TMCC1: variants seen among roughly 807,000 people sequenced by gnomAD.
TMCC1 encodes transmembrane and coiled-coil domains protein 1.
A neutral mutation model predicts 52.4 loss-of-function variants in TMCC1; 15 were observed. The ratio of observed to expected loss-of-function variants is 0.29; its 90% CI spans 0.19 to 0.44. The LOEUF (loss-of-function observed/expected upper bound fraction) is 0.44. TMCC1 is among the 20% of genes least tolerant of loss of function. The pLI is 1.00. For synonymous variants in TMCC1, 279 were observed against 301.9 expected (o/e 0.92, Z 0.79); for missense variants, 503 against 806.0 (o/e 0.62, Z 4.55).
At chr3:129,695,794 G>A (rs150342009) in intron 4 of TMCC1, among the ~76,000 whole-genome samples, 117 of 152,200 alleles carry the variant, frequency 7.7e-4, no homozygotes, top group African/African-American at 2.7e-3. Context: ...AACCAATCAT[G>A]CCTTTGAGGA....
chr3:129,700,566 T>G (rs965482830), intron 4 of TMCC1, among the ~76,000 whole-genome samples: 4 of 152,228 alleles, frequency 2.6e-5, no homozygotes, highest in African/African-American at 9.6e-5. Context: ...AACCTCTACC[T>G]CCTGGGTTCA....
intron 4 of TMCC1, among the ~76,000 whole-genome samples, chr3:129,720,181 C>CAAAAA (rs765678095): frequency 2.0e-4 from 12 of 58,702 alleles, no homozygotes; most frequent in South Asian, 5.9e-4. Flanking sequence ...GACCCTGTCT[C>CAAAAA]AAAAAAAAAA....
At chr3:129,718,095 T>G (rs1433623488) in intron 4 of TMCC1, among the ~76,000 whole-genome samples, 1 of 152,190 alleles carries the variant, frequency 6.6e-6, no homozygotes, top group Non-Finnish European at 1.5e-5. Context: ...AAATTAAGAT[T>G]CGTGAATGAA....
At chr3:129,734,758 C>T (rs1027949935) in intron 4 of TMCC1, among the ~76,000 whole-genome samples, 3 of 152,044 alleles carry the variant, frequency 2.0e-5, no homozygotes, top group Admixed American at 6.6e-5. Flanking sequence ...TCTGAAGAAG[C>T]GGAATGGATT....
At chr3:129,744,256 C>T (rs1295430016) in intron 4 of TMCC1, among the ~76,000 whole-genome samples, 1 of 152,132 alleles carries the variant, frequency 6.6e-6, no homozygotes, top group African/African-American at 2.4e-5. Flanking sequence ...GATTGGTTGT[C>T]GTAGTTTTTA....
At chr3:129,764,783 A>G (rs1385102809) in intron 4 of TMCC1, among the ~76,000 whole-genome samples, 3 of 75,604 alleles carry the variant, frequency 4.0e-5, no homozygotes, top group Non-Finnish European at 6.4e-5. Flanking sequence ...ATATATATAT[A>G]TATATATTTT....
chr3:129,811,003 T>A (rs1461269885), intron 4 of TMCC1, among the ~76,000 whole-genome samples: 1 of 152,240 alleles, frequency 6.6e-6, no homozygotes. Context: ...GTTATTTAAA[T>A]GTGCATTTGC....
intron 4 of TMCC1, among the ~76,000 whole-genome samples, chr3:129,800,876 A>T (rs545748879): frequency 6.6e-6 from 1 of 152,118 alleles, no homozygotes; most frequent in South Asian, 2.1e-4. Flanking sequence ...AAATAGTTAC[A>T]AGGTATTTCA....
chr3:129,694,237 T>A lies in TMCC1; in HGVS notation c.577-22973A>T, dbSNP rs151211274. Among the ~76,000 whole-genome samples, 11 of 152,354 alleles carry A rather than the reference T, an allele frequency of 7.2e-5. No individual in the cohort carries two copies. In the East Asian group the frequency reaches 2.1e-3, roughly 29 times the overall value. On this transcript the variant is annotated intron_variant, in intron 4 of 6. Coordinates refer to ENST00000393238, the MANE Select transcript of TMCC1 (RefSeq NM_001017395.5). ...AGAGTGTTTAAAAGTCCAATCTGAA[T>A]CCTTACGAAAACGTCCACACAGAAG...
rs916394887 is a variant in TMCC1, at chr3:129,686,941, G to T, written c.577-15677C>A. Among the ~76,000 whole-genome samples the T allele has an allele frequency of 3.3e-5, 5 of 152,138 alleles. No individual in the cohort carries two copies. The East Asian group carries it at 9.6e-4, about 29-fold the overall frequency. On this transcript the variant is annotated intron_variant, in intron 4 of 6. Transcript: ENST00000393238. ...TGAGATGAAAACAGAGTTAAAGAAA[G>T]TAGCAATTCAAAAAGAGAAAAATAA...
At chr3:129,702,918 AG>A (rs1334683076) in intron 4 of TMCC1, among the ~76,000 whole-genome samples, 1 of 152,190 alleles carries the variant, frequency 6.6e-6, no homozygotes, top group Non-Finnish European at 1.5e-5. Flanking sequence ...TGGAAGGCTG[AG>A]GCAGGAGAAT....
chr3:129,683,384 G>A (rs1450888906), intron 4 of TMCC1, among the ~76,000 whole-genome samples: 1 of 152,154 alleles, frequency 6.6e-6, no homozygotes, highest in African/African-American at 2.4e-5. Context: ...TATTAATCCA[G>A]TGAGGCAGGC....
chr3:129,654,287 A>G (rs1029483291), intron 6 of TMCC1, among the ~76,000 whole-genome samples: 2 of 152,206 alleles, frequency 1.3e-5, no homozygotes, highest in Admixed American at 6.5e-5. Context: ...AGGAAAAAAT[A>G]ATTAAAACAT....
chr3:129,769,539 ATT>A (rs56862714), intron 4 of TMCC1, among the ~76,000 whole-genome samples: 1,700 of 132,254 alleles, frequency 0.013, 10 homozygotes, highest in African/African-American at 0.014. Context: ...CCATTATGAG[ATT>A]TTTTTTTTTT....
intron 4 of TMCC1, among the ~76,000 whole-genome samples, chr3:129,769,490 A>G (rs1012992170): frequency 2.0e-5 from 3 of 150,848 alleles, no homozygotes; most frequent in African/African-American, 7.3e-5. Context: ...TCAGCCTCCT[A>G]AAGTGCTGGG....
intron 5 of TMCC1, among the ~76,000 whole-genome samples, chr3:129,666,467 G>T (rs2087463361): frequency 6.6e-6 from 1 of 152,176 alleles, no homozygotes; most frequent in Non-Finnish European, 1.5e-5. Flanking sequence ...GGCCGGGCAT[G>T]GTGGCTCATG....
chr3:129,840,292 A>ACT (rs2059362304), intron 2 of TMCC1, among the ~76,000 whole-genome samples: 1 of 129,540 alleles, frequency 7.7e-6, no homozygotes, highest in Non-Finnish European at 1.6e-5. Flanking sequence ...ATGCTACTGT[A>ACT]CTCCAACCAG....
chr3:129,723,239 T>C (rs2049775196), intron 4 of TMCC1, among the ~76,000 whole-genome samples: 1 of 152,198 alleles, frequency 6.6e-6, no homozygotes. Flanking sequence ...TTTGTTCTGC[T>C]GATCTGGAGA....
chr3:129,772,543 G>A (rs911657291), intron 4 of TMCC1, among the ~76,000 whole-genome samples: 12 of 150,882 alleles, frequency 8.0e-5, no homozygotes, highest in African/African-American at 2.7e-4. Flanking sequence ...GTGAAACCCC[G>A]TCTCTACTAA....
Sources: gnomAD v4.1 joint callset for allele counts (sites outside exome capture counted in the v4.1 genomes callset) on GRCh38, gnomAD v4.1.1 for gene constraint, MANE v1.5 for transcripts, NCBI Gene and HGNC (gene_info 2026-07-23, HGNC 2026-07-21) for gene names.